The following BACH2 variants were observed in gnomAD, a reference collection of about 807,000 sequenced individuals.
The protein encoded by BACH2 is transcription regulator protein BACH2.
BACH2 carries 5 observed loss-of-function variants against 61.8 expected under a neutral mutation model. The ratio of observed to expected loss-of-function variants is 0.08; its 90% CI spans 0.04 to 0.17. The LOEUF (loss-of-function observed/expected upper bound fraction) is 0.17. Ranked by LOEUF, BACH2 falls within the 10% of genes least tolerant of loss-of-function variation. The pLI is 1.00. For synonymous variants in BACH2, 446 were observed against 440.1 expected (o/e 1.01, Z -0.17); for missense variants, 824 against 1,091.1 (o/e 0.76, Z 3.45).
In BACH2 at chr6:90,154,913, C is replaced by T. The variant is rs191363832; in HGVS notation, c.-162+51656G>A. ...ATGCTGGCCCCTCCCAGTCAGCTAC[C>T]AAGGCAGACTGCGGAAAAGGGGACA... On this transcript the variant is annotated intron_variant, in intron 4 of 8. Coordinates refer to ENST00000257749, the MANE Select transcript of BACH2 (RefSeq NM_021813.4). 2.6e-5 allele frequency among the ~76,000 whole-genome samples: 4 copies of T among 152,204 alleles called. No homozygotes were observed. In the East Asian group the frequency reaches 7.7e-4, roughly 29 times the overall value.
chr6:90,183,937 AAAC>A (rs1439655575), intron 4 of BACH2, among the ~76,000 whole-genome samples: 1 of 152,242 alleles, frequency 6.6e-6, no homozygotes, highest in Non-Finnish European at 1.5e-5. Flanking sequence ...AGGAAACAAT[AAAC>A]AACATTTAAC....
At chr6:90,208,871 C>A (rs183406376) in intron 3 of BACH2, among the ~76,000 whole-genome samples, 1 of 152,100 alleles carries the variant, frequency 6.6e-6, no homozygotes, top group Admixed American at 6.5e-5. Context: ...TGCTATGCAG[C>A]CATAAAAAAG....
chr6:90,156,770 G>T (rs1785008149), intron 4 of BACH2, among the ~76,000 whole-genome samples: 1 of 152,128 alleles, frequency 6.6e-6, no homozygotes, highest in African/African-American at 2.4e-5. Context: ...CAACAAAAAT[G>T]CTATGAAACA....
intron 2 of BACH2, among the ~76,000 whole-genome samples, chr6:90,258,042 C>T (rs958377943): frequency 5.9e-5 from 9 of 152,078 alleles, no homozygotes; most frequent in East Asian, 1.9e-4. Context: ...CCAAAAGTGC[C>T]GGGATTACAG....
chr6:90,209,776 C>G (rs187930397), intron 3 of BACH2, among the ~76,000 whole-genome samples: 132 of 152,254 alleles, frequency 8.7e-4, no homozygotes, highest in Non-Finnish European at 1.2e-3. Flanking sequence ...TTCCTGCCCC[C>G]GCCCCAACTG....
At chr6:90,052,019 G>A (rs866648273) in intron 5 of BACH2, among the ~76,000 whole-genome samples, 11 of 152,022 alleles carry the variant, frequency 7.2e-5, no homozygotes, top group African/African-American at 2.4e-4. Context: ...TTTAGTTACC[G>A]AATTCTAATT....
At chr6:90,189,840 C>A (rs991841401) in intron 4 of BACH2, among the ~76,000 whole-genome samples, 24 of 152,132 alleles carry the variant, frequency 1.6e-4, no homozygotes, top group African/African-American at 5.8e-4. Flanking sequence ...TCTGGCAGGA[C>A]AGTATGCTCT....
rs566401651 is a variant in BACH2 at position 90,004,309 on chromosome 6, G to C, written c.243+4293C>G. 3.9e-5 allele frequency among the ~76,000 whole-genome samples: 6 copies of C among 152,286 alleles called. No homozygotes were observed. The South Asian group carries it at 1.0e-3, about 26-fold the overall frequency. The stretch of plus-strand genomic sequence containing the variant: ...GCCCCAAAATGTTGAGTGAGAGAGA[G>C]AAAGCAAAAGATAGTGAGCACAAGC... On this transcript the variant is annotated intron_variant, in intron 6 of 8. Coordinates refer to ENST00000257749, the MANE Select transcript of BACH2 (RefSeq NM_021813.4).
At chr6:90,071,205 C>T (rs1026270881) in intron 5 of BACH2, among the ~76,000 whole-genome samples, 6 of 152,218 alleles carry the variant, frequency 3.9e-5, no homozygotes, top group African/African-American at 1.4e-4. Context: ...CTAAGTACTG[C>T]AGAGTCTAAT....
At chr6:90,169,585 C>G (rs1227223960) in intron 4 of BACH2, among the ~76,000 whole-genome samples, 2 of 152,152 alleles carry the variant, frequency 1.3e-5, no homozygotes, top group African/African-American at 2.4e-5. Context: ...TGGTCATGCC[C>G]TTGTGGGAAC....
intron 5 of BACH2, among the ~76,000 whole-genome samples, chr6:90,075,460 T>C (rs1483869469): frequency 1.3e-5 from 2 of 152,182 alleles, no homozygotes; most frequent in Admixed American, 1.3e-4. Context: ...TAACCAAGGC[T>C]TCTCCTGTCC....
chr6:90,092,315 T>TATATATATAC (rs142761642), intron 4 of BACH2, among the ~76,000 whole-genome samples: 4,375 of 108,418 alleles, frequency 0.04, 139 homozygotes, highest in South Asian at 0.067. Context: ...TATATATATA[T>TATATATATAC]ACACACACAC....
chr6:90,198,712 A>G (rs770896741), intron 4 of BACH2, among the ~76,000 whole-genome samples: 7 of 152,182 alleles, frequency 4.6e-5, no homozygotes, highest in Non-Finnish European at 8.8e-5. Context: ...GTGCTCCAAC[A>G]CAATCATTCA....
chr6:90,239,241 T>C (rs144669269), intron 3 of BACH2, among the ~76,000 whole-genome samples: 2 of 152,218 alleles, frequency 1.3e-5, no homozygotes, highest in Non-Finnish European at 1.5e-5. Context: ...TCTTTGAAAT[T>C]AGGGTTGGCG....
At chr6:90,137,722 C>A (rs990956361) in intron 4 of BACH2, among the ~76,000 whole-genome samples, 4 of 152,124 alleles carry the variant, frequency 2.6e-5, no homozygotes, top group African/African-American at 9.7e-5. Context: ...AGTGAATTAT[C>A]TTTGAGAAGC....
chr6:90,244,687 T>C (rs1416353777), intron 3 of BACH2, among the ~76,000 whole-genome samples: 1 of 152,170 alleles, frequency 6.6e-6, no homozygotes, highest in Non-Finnish European at 1.5e-5. Context: ...TTGCTGCCTG[T>C]GCTATGGGGA....
intron 5 of BACH2, among the ~76,000 whole-genome samples, chr6:90,060,070 A>G (rs2127798106): frequency 6.6e-6 from 1 of 151,990 alleles, no homozygotes; most frequent in Non-Finnish European, 1.5e-5. Context: ...GCACATGTAT[A>G]CGTATGTAAC....
chr6:90,031,611 CAA>C (rs1172633135), intron 5 of BACH2, among the ~76,000 whole-genome samples: 2 of 152,130 alleles, frequency 1.3e-5, no homozygotes, highest in Non-Finnish European at 2.9e-5. Flanking sequence ...ACAATTGCTT[CAA>C]AGAGAATAAA....
intron 4 of BACH2, among the ~76,000 whole-genome samples, chr6:90,123,370 G>A (rs184054696): frequency 3.9e-5 from 6 of 152,316 alleles, no homozygotes; most frequent in African/African-American, 1.4e-4. Flanking sequence ...TGGACTTCAG[G>A]CCACCAGAAC....
Sources: allele counts gnomAD v4.1 joint callset (sites outside exome capture counted in the v4.1 genomes callset), GRCh38; gene constraint gnomAD v4.1.1; transcripts MANE v1.5; gene names NCBI Gene and HGNC (gene_info 2026-07-23, HGNC 2026-07-21).